The following PAPOLG variants were observed in gnomAD, a reference collection of about 807,000 sequenced individuals.
The protein encoded by PAPOLG is PAP-gamma.
Under a neutral mutation model 99.0 loss-of-function variants are expected in PAPOLG, and 40 were observed. The observed-to-expected ratio is 0.40, with a 90% CI of 0.31 to 0.53. PAPOLG has a LOEUF of 0.53. Among genes scored for constraint, PAPOLG ranks in the 20% least tolerant of loss-of-function variants. PAPOLG has a pLI of 0.41. For synonymous variants in PAPOLG, 310 were observed against 299.3 expected (o/e 1.04, Z -0.37); for missense variants, 675 against 884.1 (o/e 0.76, Z 3.00).
At chr2:60,788,480 C>CA (rs1223821644) in intron 15 of PAPOLG, among the ~76,000 whole-genome samples, 3 of 152,082 alleles carry the variant, frequency 2.0e-5, no homozygotes, top group Admixed American at 6.6e-5. Context: ...TGCCACCAGT[C>CA]CTGGCTAATT....
chr2:60,773,322 C>T (rs137884222), intron 7 of PAPOLG, among the ~76,000 whole-genome samples: 10 of 152,260 alleles, frequency 6.6e-5, no homozygotes, highest in African/African-American at 2.4e-4. Flanking sequence ...CCTTCCAATC[C>T]GCAGTCCCAG....
At chr2:60,782,550 C>T in intron 11 of PAPOLG, 136 bp from the exon 12 acceptor site, 3 of 1,292,988 alleles carry the variant, frequency 2.3e-6, no homozygotes, top group Middle Eastern at 2.9e-4. Flanking sequence ...GAGTGAGACT[C>T]TGTCTCAAAA....
At chr2:60,790,819 T>C (rs939917438) in intron 15 of PAPOLG, among the ~76,000 whole-genome samples, 1 of 152,242 alleles carries the variant, frequency 6.6e-6, no homozygotes, top group Non-Finnish European at 1.5e-5. Context: ...CCAGGTGCAG[T>C]GGTTCACACC....
At chr2:60,791,130 T>C (rs541606655) in intron 15 of PAPOLG, among the ~76,000 whole-genome samples, 1 of 152,042 alleles carries the variant, frequency 6.6e-6, no homozygotes, top group African/African-American at 2.4e-5. Context: ...CAAGTAGTTA[T>C]GAGGAGAGAT....
chr2:60,782,873 A>G (rs1412314081), intron 12 of PAPOLG, 103 bp downstream of exon 12: 1 of 1,328,136 alleles, frequency 7.5e-7, no homozygotes, highest in Admixed American at 3.3e-5. Flanking sequence ...TTTATTTCTT[A>G]AGCAAGAGAG....
intron 3 of PAPOLG, among the ~76,000 whole-genome samples, chr2:60,762,221 G>A (rs1670541002): frequency 6.6e-6 from 1 of 152,070 alleles, no homozygotes; most frequent in Non-Finnish European, 1.5e-5. Context: ...TTTGCAAGGT[G>A]ATTAATTGAG....
At chr2:60,796,208 CTTTTTTTTTTT>C (rs66526788) in intron 21 of PAPOLG, among the ~76,000 whole-genome samples, 3 of 110,316 alleles carry the variant, frequency 2.7e-5, no homozygotes, top group East Asian at 2.5e-4. Context: ...TTTTGCCTTC[CTTTTTTTTTTT>C]TTTTTTTTTT....
In PAPOLG at chr2:60,793,722, A is replaced by G. The variant is rs1459615797; in HGVS notation, c.1768+7A>G. ...ATTCCAGTGATTGGCGCAAGTAGGT[A>G]TCTAAACTTGTATATATTAATAATT... On this transcript the variant is annotated splice_region_variant and intron_variant, in intron 18 of 21. Coordinates refer to ENST00000238714, the MANE Select transcript of PAPOLG (RefSeq NM_022894.4). The G allele has an allele frequency of 6.2e-7, 1 of 1,611,418 alleles. No homozygotes were observed.
In PAPOLG at chr2:60,797,445, A is replaced by G. The variant is rs2103834511; in HGVS notation, c.*285A>G. ...TGGGGGTTTTACTGCCTTAACTTTC[A>G]ATGCTTGTTATGGGAACCAGTTCTT... On this transcript the variant is annotated 3_prime_UTR_variant, in exon 22 of 22. Coordinates refer to ENST00000238714, the MANE Select transcript of PAPOLG (RefSeq NM_022894.4). 2.8e-6 allele frequency: 1 copy of G among 354,160 alleles called. No homozygotes were observed. Among genetic ancestry groups the G allele is most frequent in the Non-Finnish European group, 5.2e-6 (1 of 193,544 alleles). The allele number at this position is 354,160 out of a possible 1,614,324, so 21.9% of individuals were successfully genotyped here.
In PAPOLG at chr2:60,792,149, T is replaced by C; in HGVS notation, c.1539T>C (p.Asn513=). The C allele has an allele frequency of 1.3e-6, 2 of 1,588,854 alleles. No homozygotes were observed. The highest frequency in any genetic ancestry group is 1.7e-6 in the Non-Finnish European group (2 of 1,173,568). The change falls in exon 17 of 22, where the codon AAT becomes AAC. Residue 513 remains asparagine, a synonymous_variant. Coordinates refer to ENST00000238714, the MANE Select transcript of PAPOLG (RefSeq NM_022894.4). The part of the protein sequence containing the change: ...KKKKQSLSDV[N]RSSGGLQSKR... ...TTCAGCAAAGTCTCTCTGATGTCAA[T>C]CGAAGCTCGGGCGGACTTCAATCCA...
Position 60,768,829 on chromosome 2 carries a change from C to A in PAPOLG, c.377C>A (p.Ser126Tyr). Reference protein sequence around the residue: ...LCVAPRHVERSDFFQSFFEKL... With the variant: ...LCVAPRHVERYDFFQSFFEKL... ...GTAGCTCCAAGACATGTGGAAAGAT[C>A]TGATTTTTTTCAGTCTTTTTTTGAA... Residue 126 changes from serine (S) to tyrosine (Y), a missense_variant, in exon 5 of 22, where the codon TCT becomes TAT. Coordinates refer to ENST00000238714, the MANE Select transcript of PAPOLG (RefSeq NM_022894.4). 6.2e-7 allele frequency: 1 copy of A among 1,601,280 alleles called. No individual in the cohort carries two copies. The highest frequency in any genetic ancestry group is 8.5e-7 in the Non-Finnish European group (1 of 1,172,538).
intron 1 of PAPOLG, among the ~76,000 whole-genome samples, chr2:60,757,056 T>TA (rs1244935764): frequency 6.6e-6 from 1 of 152,194 alleles, no homozygotes; most frequent in African/African-American, 2.4e-5. Flanking sequence ...CACACTTTGA[T>TA]AAGTCAGAAA....
intron 15 of PAPOLG, among the ~76,000 whole-genome samples, chr2:60,790,014 A>C (rs1247817356): frequency 6.6e-6 from 1 of 152,190 alleles, no homozygotes; most frequent in Non-Finnish European, 1.5e-5. Flanking sequence ...GAATCGCTTG[A>C]ACCTGGGAGG....
At chr2:60,785,771 A>G (rs1344010236) in intron 13 of PAPOLG, among the ~76,000 whole-genome samples, 1 of 149,532 alleles carries the variant, frequency 6.7e-6, no homozygotes, top group East Asian at 2.0e-4. Context: ...GCTTCACGTG[A>G]TCCTCCCGCC....
chr2:60,756,366 G>A lies in PAPOLG; in HGVS notation c.-113G>A. ...TCAGCCATAGTAAGTGGGAAAGTGA[G>A]CGAGCAAGCGAGCTACTAGCGACCG... On this transcript the variant is annotated 5_prime_UTR_variant, in exon 1 of 22. Coordinates refer to ENST00000238714, the MANE Select transcript of PAPOLG (RefSeq NM_022894.4). 7.3e-7 allele frequency: 1 copy of A among 1,376,448 alleles called. No individual in the cohort carries two copies. The highest frequency in any genetic ancestry group is 1.0e-6 in the Non-Finnish European group (1 of 966,658). The allele number at this position is 1,376,448 out of a possible 1,614,324, so 85.3% of individuals were successfully genotyped here.
In PAPOLG at chr2:60,765,976, T is replaced by G. The variant is rs1296578651; in HGVS notation, c.247-2494T>G. Among the ~76,000 whole-genome samples, 7 of 152,248 alleles carry G rather than the reference T, an allele frequency of 4.6e-5. No homozygotes were observed. In the East Asian group the frequency reaches 1.4e-3, roughly 29 times the overall value. ...AAAAAATCTGATTAATTTACTAACT[T>G]CTTTCTAGCTATAAAATTATTTGTG... On this transcript the variant is annotated intron_variant, in intron 3 of 21. Coordinates refer to ENST00000238714, the MANE Select transcript of PAPOLG (RefSeq NM_022894.4).
chr2:60,773,804 T>A (rs1670929511), intron 7 of PAPOLG, among the ~76,000 whole-genome samples: 1 of 152,246 alleles, frequency 6.6e-6, no homozygotes, highest in African/African-American at 2.4e-5. Context: ...AATTCAGATT[T>A]AACTTGAAAG....
chr2:60,776,417 C>CTTTTT, intron 8 of PAPOLG, among the ~76,000 whole-genome samples: 1 of 121,538 alleles, frequency 8.2e-6, no homozygotes, highest in South Asian at 2.6e-4. Context: ...GCATTGGCTT[C>CTTTTT]ATTTTTTTTT....
intron 9 of PAPOLG, 37 bp downstream of exon 9, chr2:60,779,812 T>C: frequency 1.3e-6 from 2 of 1,549,672 alleles, no homozygotes; most frequent in East Asian, 2.3e-5. Flanking sequence ...TGTTTACTAA[T>C]CTCTACCTAT....
Sources: allele counts gnomAD v4.1 joint callset (sites outside exome capture counted in the v4.1 genomes callset), GRCh38; gene constraint gnomAD v4.1.1; transcripts MANE v1.5; gene names NCBI Gene and HGNC (gene_info 2026-07-23, HGNC 2026-07-21).